ACACA: variants seen among roughly 807,000 people sequenced by gnomAD.
ACACA encodes the protein acetyl-CoA carboxylase 1.
Under a neutral mutation model 296.1 loss-of-function variants are expected in ACACA, and 103 were observed. The ratio of observed to expected loss-of-function variants is 0.35; its 90% CI spans 0.30 to 0.41. ACACA has a LOEUF of 0.41. Ranked by LOEUF, ACACA falls within the 10% of genes least tolerant of loss-of-function variation. The pLI is 1.00. For synonymous variants in ACACA, 953 were observed against 1,038.6 expected (o/e 0.92, Z 1.58); for missense variants, 1,554 against 2,989.7 (o/e 0.52, Z 11.20).
At chr17:37,183,867 T>C (rs1172878863) in intron 39 of ACACA, among the ~76,000 whole-genome samples, 1 of 148,446 alleles carries the variant, frequency 6.7e-6, no homozygotes, top group African/African-American at 2.5e-5. Flanking sequence ...TTTTTTTTTT[T>C]TGGAGACGGA....
chr17:37,338,713 C>T (rs1212099395), intron 2 of ACACA, among the ~76,000 whole-genome samples: 14 of 151,062 alleles, frequency 9.3e-5, no homozygotes, highest in East Asian at 2.0e-4. Flanking sequence ...CCAAGGTGAG[C>T]GGATCACCTG....
At chr17:37,152,559 G>C (rs2076086861) in intron 43 of ACACA, among the ~76,000 whole-genome samples, 2 of 152,134 alleles carry the variant, frequency 1.3e-5, no homozygotes, top group African/African-American at 4.8e-5. Context: ...GGTGGAATGT[G>C]TGTAGAAGTG....
intron 21 of ACACA, among the ~76,000 whole-genome samples, chr17:37,244,084 C>T (rs2680402): frequency 0.33 from 49,814 of 151,704 alleles, 10,160 homozygotes; most frequent in African/African-American, 0.56. Flanking sequence ...TAATCACGGG[C>T]GGGCACAGTG....
At position 37,097,251 on chromosome 17, in the gene ACACA, T is replaced by G; in HGVS notation, c.6721-85A>C. 2 of 1,499,574 alleles carry G rather than the reference T, an allele frequency of 1.3e-6. No individual in the cohort carries two copies. The highest frequency in any genetic ancestry group is 3.7e-5 in the Admixed American group (2 of 53,638). 92.9% of individuals were successfully genotyped at this position (1,499,574 alleles called of 1,614,324 possible). ...GAGGGAAACCCACAGGCATAAAAAC[T>G]GATTCTCCAGGCAAGCCCTTCACAG... On this transcript the variant is annotated intron_variant, in intron 53 of 55. Coordinates refer to ENST00000616317, the MANE Select transcript of ACACA (RefSeq NM_198834.3). The surrounding 1 kb of genome is among the most constrained non-coding windows in gnomAD (Gnocchi z 4.8).
intron 3 of ACACA, among the ~76,000 whole-genome samples, chr17:37,308,277 T>C (rs1362328026): frequency 2.0e-5 from 3 of 152,168 alleles, no homozygotes; most frequent in South Asian, 4.1e-4. Context: ...AATGAAAATG[T>C]ATATCCAAGC....
intron 30 of ACACA, 21 bp downstream of exon 30, chr17:37,210,446 A>T: frequency 6.2e-7 from 1 of 1,609,908 alleles, no homozygotes; most frequent in South Asian, 1.1e-5. Context: ...TTAATTGGAA[A>T]AGAAACTAAA....
intron 41 of ACACA, among the ~76,000 whole-genome samples, chr17:37,175,627 C>A (rs576232452): frequency 4.1e-4 from 63 of 152,296 alleles, no homozygotes; most frequent in African/African-American, 1.4e-3. Flanking sequence ...ATGCTGCAAT[C>A]ACATTTTCCT....
chr17:37,292,143 C>A (rs193152878), intron 3 of ACACA, among the ~76,000 whole-genome samples: 3 of 151,850 alleles, frequency 2.0e-5, no homozygotes, highest in African/African-American at 7.3e-5. Flanking sequence ...GAGGGTGATA[C>A]GAGCATTTGT....
chr17:37,325,514 T>C (rs1313723034), intron 3 of ACACA, among the ~76,000 whole-genome samples: 1 of 151,154 alleles, frequency 6.6e-6, no homozygotes, highest in African/African-American at 2.4e-5. Flanking sequence ...TTGTCTACAA[T>C]GAGGTCTGTA....
intron 41 of ACACA, among the ~76,000 whole-genome samples, chr17:37,174,945 T>A (rs2077054309): frequency 6.6e-6 from 1 of 152,204 alleles, no homozygotes; most frequent in African/African-American, 2.4e-5. Context: ...CTAATTATTA[T>A]AACTGCTTCC....
At chr17:37,255,507 A>G (rs1465201721) in intron 14 of ACACA, among the ~76,000 whole-genome samples, 2 of 152,222 alleles carry the variant, frequency 1.3e-5, no homozygotes, top group Non-Finnish European at 2.9e-5. Context: ...TGTACTGTAG[A>G]CAAATGTACA....
At chr17:37,265,810 C>A (rs1158295854) in intron 10 of ACACA, among the ~76,000 whole-genome samples, 1 of 152,142 alleles carries the variant, frequency 6.6e-6, no homozygotes, top group Non-Finnish European at 1.5e-5. Flanking sequence ...GCCCTCTGGG[C>A]TCCTGACTCC....
chr17:37,167,152 G>C (rs1306884417), intron 41 of ACACA, among the ~76,000 whole-genome samples: 1 of 146,354 alleles, frequency 6.8e-6, no homozygotes, highest in Non-Finnish European at 1.5e-5. Context: ...GGTACAGATG[G>C]GGTTTCACCA....
intron 41 of ACACA, among the ~76,000 whole-genome samples, chr17:37,166,008 G>A (rs906910494): frequency 2.0e-5 from 3 of 152,074 alleles, no homozygotes; most frequent in Admixed American, 6.5e-5. Context: ...ATTATATGCT[G>A]CCTAGGATTG....
At chr17:37,142,834 A>C (rs2075649812) in intron 45 of ACACA, among the ~76,000 whole-genome samples, 1 of 152,242 alleles carries the variant, frequency 6.6e-6, no homozygotes, top group Non-Finnish European at 1.5e-5. Flanking sequence ...CAATACATGA[A>C]TGTACTGCCA....
intron 1 of ACACA, among the ~76,000 whole-genome samples, chr17:37,346,214 G>A (rs1265869632): frequency 1.3e-5 from 2 of 152,008 alleles, no homozygotes; most frequent in Non-Finnish European, 2.9e-5. Context: ...CTACTTGGGA[G>A]GCTGAGGCAG....
At chr17:37,326,686 G>A (rs936147929) in intron 3 of ACACA, among the ~76,000 whole-genome samples, 10 of 151,522 alleles carry the variant, frequency 6.6e-5, no homozygotes, top group African/African-American at 1.5e-4. Flanking sequence ...CAAAACAGCC[G>A]GGCATGGTAG....
At chr17:37,383,829 G>A (rs983263391) in intron 1 of ACACA, among the ~76,000 whole-genome samples, 18 of 152,290 alleles carry the variant, frequency 1.2e-4, no homozygotes, top group Admixed American at 4.6e-4. Flanking sequence ...GCGATTATAG[G>A]CGTGAGCCAC....
chr17:37,133,690 C>T (rs1287993703), intron 45 of ACACA, among the ~76,000 whole-genome samples: 1 of 152,188 alleles, frequency 6.6e-6, no homozygotes, highest in Admixed American at 6.5e-5. Flanking sequence ...GCATTTCTTG[C>T]CGTGTTTCAG....
Sources: allele counts gnomAD v4.1 joint callset (sites outside exome capture counted in the v4.1 genomes callset), GRCh38; gene constraint gnomAD v4.1.1; non-coding constraint Gnocchi (gnomAD v3.1); transcripts MANE v1.5; gene names NCBI Gene and HGNC (gene_info 2026-07-23, HGNC 2026-07-21).